The following NLK variants were observed in gnomAD, a reference collection of about 807,000 sequenced individuals.
NLK encodes serine/threonine-protein kinase NLK.
A neutral mutation model predicts 59.0 loss-of-function variants in NLK; 11 were observed. That is an observed-to-expected ratio of 0.19 (90% confidence interval 0.12 to 0.31). The LOEUF is 0.31. NLK is among the 10% of genes least tolerant of loss of function. The pLI is 1.00. For synonymous variants in NLK, 235 were observed against 235.9 expected (o/e 1.00, Z 0.03); for missense variants, 410 against 661.1 (o/e 0.62, Z 4.16).
intron 1 of NLK, among the ~76,000 whole-genome samples, chr17:28,074,670 G>A (rs1213809410): frequency 2.6e-5 from 4 of 152,164 alleles, no homozygotes; most frequent in Non-Finnish European, 1.5e-5. Context: ...CATTGGCAAA[G>A]CTGATTTTAT....
At chr17:28,184,934 C>T (rs550685582) in intron 7 of NLK, among the ~76,000 whole-genome samples, 14 of 151,648 alleles carry the variant, frequency 9.2e-5, no homozygotes, top group South Asian at 4.2e-4. Context: ...GGTGAGAGAG[C>T]GAGAATCCAT....
chr17:28,067,371 G>A (rs1163222908), intron 1 of NLK, among the ~76,000 whole-genome samples: 1 of 151,834 alleles, frequency 6.6e-6, no homozygotes, highest in Non-Finnish European at 1.5e-5. Flanking sequence ...TATGTACATG[G>A]ACAATGCTTG....
chr17:28,102,242 G>C (rs1294780779), intron 1 of NLK, among the ~76,000 whole-genome samples: 1 of 152,056 alleles, frequency 6.6e-6, no homozygotes, highest in African/African-American at 2.4e-5. Context: ...ATTATTTGAG[G>C]TATATTTTTA....
chr17:28,119,265 G>A (rs1357595822), intron 1 of NLK, among the ~76,000 whole-genome samples: 1 of 152,186 alleles, frequency 6.6e-6, no homozygotes, highest in African/African-American at 2.4e-5. Context: ...TCAACATGGC[G>A]TGAAATTACT....
chr17:28,160,770 G>A (rs537856970), intron 3 of NLK, among the ~76,000 whole-genome samples: 2 of 152,250 alleles, frequency 1.3e-5, no homozygotes, highest in Admixed American at 1.3e-4. Context: ...GTGTCATGGT[G>A]GCCTAAGATG....
chr17:28,176,518 G>A (rs1274642102), intron 7 of NLK, among the ~76,000 whole-genome samples: 2 of 151,992 alleles, frequency 1.3e-5, no homozygotes, highest in African/African-American at 4.8e-5. Flanking sequence ...TTTACAGATG[G>A]GAAATGGAAG....
chr17:28,059,150 A>G (rs1373853375), intron 1 of NLK, among the ~76,000 whole-genome samples: 1 of 151,972 alleles, frequency 6.6e-6, no homozygotes, highest in Non-Finnish European at 1.5e-5. Context: ...AAAGTACTAT[A>G]GTTGGTTCTT....
intron 1 of NLK, among the ~76,000 whole-genome samples, chr17:28,112,982 A>C (rs932666626): frequency 6.6e-6 from 1 of 152,200 alleles, no homozygotes; most frequent in African/African-American, 2.4e-5. Flanking sequence ...GAGAGAAGTG[A>C]CAAAGTTCTT....
downstream of NLK, among the ~76,000 whole-genome samples, chr17:28,197,904 T>G (rs1166876320): frequency 2.6e-5 from 4 of 152,160 alleles, no homozygotes; most frequent in African/African-American, 7.2e-5. Context: ...GGACTGACTT[T>G]ACTTCAAGAA....
At chr17:28,120,297 A>G (rs543501903) in intron 1 of NLK, among the ~76,000 whole-genome samples, 47 of 151,574 alleles carry the variant, frequency 3.1e-4, no homozygotes, top group African/African-American at 9.7e-4. Context: ...AAATACAGAC[A>G]GGGTCTCACT....
chr17:28,158,555 A>T (rs2142045400), intron 3 of NLK, among the ~76,000 whole-genome samples: 1 of 152,302 alleles, frequency 6.6e-6, no homozygotes, highest in Non-Finnish European at 1.5e-5. Flanking sequence ...GAAACTTTTT[A>T]ATTTTGTTAA....
intron 2 of NLK, among the ~76,000 whole-genome samples, chr17:28,125,681 T>C (rs933603761): frequency 6.6e-6 from 1 of 152,146 alleles, no homozygotes; most frequent in African/African-American, 2.4e-5. Context: ...ATAACTACTA[T>C]GTGTGGAATG....
chr17:28,124,401 A>G (rs1009275084), intron 2 of NLK, among the ~76,000 whole-genome samples: 1 of 151,982 alleles, frequency 6.6e-6, no homozygotes, highest in Non-Finnish European at 1.5e-5. Flanking sequence ...GGTGGCACAC[A>G]TCTGTAGTCT....
At chr17:28,068,338 G>A (rs1909903480) in intron 1 of NLK, among the ~76,000 whole-genome samples, 1 of 152,048 alleles carries the variant, frequency 6.6e-6, no homozygotes, top group Non-Finnish European at 1.5e-5. Flanking sequence ...TTAGTCAAGT[G>A]CAGTAGTCAG....
intron 1 of NLK, among the ~76,000 whole-genome samples, chr17:28,120,683 C>T (rs1453170153): frequency 1.3e-5 from 2 of 151,952 alleles, no homozygotes; most frequent in Admixed American, 6.6e-5. Context: ...GTGAAGTCAT[C>T]GTGTTGTTAA....
chr17:28,152,288 C>G (rs1305735183), intron 3 of NLK, among the ~76,000 whole-genome samples: 1 of 152,188 alleles, frequency 6.6e-6, no homozygotes, highest in Non-Finnish European at 1.5e-5. Flanking sequence ...GACATTATTT[C>G]ATACTTACTC....
chr17:28,194,512 GGAA>G, intron 10 of NLK, 67 bp from the exon 11 acceptor site: 1 of 1,093,094 alleles, frequency 9.1e-7, no homozygotes, highest in South Asian at 1.5e-5. Flanking sequence ...GAGGAAAACA[GGAA>G]GTAGTGAATT....
chr17:28,175,149 TAA>T (rs1048687492), intron 7 of NLK, among the ~76,000 whole-genome samples: 65 of 152,104 alleles, frequency 4.3e-4, no homozygotes, highest in African/African-American at 1.4e-3. Context: ...CTGTAGTGAT[TAA>T]GAGTGTAGTG....
chr17:28,094,455 A>G (rs767107890), intron 1 of NLK, among the ~76,000 whole-genome samples: 9 of 152,214 alleles, frequency 5.9e-5, no homozygotes, highest in Non-Finnish European at 1.2e-4. Flanking sequence ...ACCGAGTTCA[A>G]AGCTTATGTA....
Sources: allele counts gnomAD v4.1 joint callset (sites outside exome capture counted in the v4.1 genomes callset), GRCh38; gene constraint gnomAD v4.1.1; transcripts MANE v1.5; gene names NCBI Gene and HGNC (gene_info 2026-07-23, HGNC 2026-07-21).